Variants in TNPO3 observed in about 807,000 individuals in gnomAD.
The protein encoded by TNPO3 is transportin-3.
Under a neutral mutation model 122.8 loss-of-function variants are expected in TNPO3, and 65 were observed. That is an observed-to-expected ratio of 0.53 (90% CI 0.43 to 0.65). TNPO3 has a LOEUF of 0.65. Ranked by LOEUF, TNPO3 falls within the 30% of genes least tolerant of loss-of-function variation. The pLI, the probability that TNPO3 is intolerant of heterozygous loss-of-function variation, is 0.00. For missense variants in TNPO3, 850 were observed against 1,136.7 expected, an observed-to-expected ratio of 0.75 and a Z score of 3.63; for synonymous variants, 372 against 411.2, an observed-to-expected ratio of 0.90 and a Z score of 1.15.
chr7:129,017,015 G>A lies in TNPO3; in HGVS notation c.363C>T (p.Ser121=). The A allele has an allele frequency of 6.2e-7, 1 of 1,612,992 alleles. No individual in the cohort carries two copies. The highest frequency in any genetic ancestry group is 8.5e-7 in the Non-Finnish European group (1 of 1,179,940). Residue 121 remains serine, a synonymous_variant, in exon 3 of 23, where the codon TCC becomes TCT. Coordinates refer to ENST00000265388, the MANE Select transcript of TNPO3 (RefSeq NM_012470.4). ...CCAGTGTTTGCACACATCCCTTCCA[G>A]GAAGGCATCTGTAGGGCAAGATCTG... ...AIADLALQMP[S]WKGCVQTLVE... is the part of the protein sequence containing the mutation.
At chr7:129,007,250 T>C (rs757234025) in intron 4 of TNPO3, among the ~76,000 whole-genome samples, 4 of 152,096 alleles carry the variant, frequency 2.6e-5, no homozygotes, top group Admixed American at 6.5e-5. Flanking sequence ...GGAAACAGCA[T>C]AGCCAGGACT....
chr7:128,983,133 C>T (rs1799796757), intron 13 of TNPO3, among the ~76,000 whole-genome samples: 1 of 152,164 alleles, frequency 6.6e-6, no homozygotes, highest in Admixed American at 6.5e-5. Flanking sequence ...TTTTGTTATA[C>T]TCCCTATCTT....
At position 129,001,287 on chromosome 7, in the gene TNPO3, T is replaced by G. The variant is rs960313948; in HGVS notation, c.697-53A>C. On this transcript the variant is annotated intron_variant, in intron 5 of 22. Coordinates refer to ENST00000265388, the MANE Select transcript of TNPO3 (RefSeq NM_012470.4). ...AAGAAGTATGATCACTAAGGAGTGATCTACAGTTGGCCCTGCACACCCTAG... is the reference window on the plus strand; with the variant it reads ...AAGAAGTATGATCACTAAGGAGTGAGCTACAGTTGGCCCTGCACACCCTAG... The G allele has an allele frequency of 4.6e-6, 7 of 1,525,086 alleles. No individual in the cohort carries two copies. The African/African-American group carries it at 9.5e-5, about 21-fold the overall frequency. 94.5% of individuals were successfully genotyped at this position (1,525,086 alleles called of 1,614,324 possible).
chr7:129,044,210 G>A (rs928934938), intron 1 of TNPO3, among the ~76,000 whole-genome samples: 2 of 152,236 alleles, frequency 1.3e-5, no homozygotes, highest in Non-Finnish European at 2.9e-5. Context: ...TTACAGGCAT[G>A]AGCCACTGCG....
chr7:129,036,404 C>G (rs1019453239), intron 1 of TNPO3, among the ~76,000 whole-genome samples: 11 of 151,562 alleles, frequency 7.3e-5, no homozygotes, highest in Non-Finnish European at 1.5e-4. Flanking sequence ...TTAATATCAT[C>G]ATCATAAAAG....
In TNPO3 at chr7:129,036,736, T is replaced by C. The variant is rs189476794; in HGVS notation, c.120+17915A>G. 1.6e-3 allele frequency among the ~76,000 whole-genome samples: 248 copies of C among 152,228 alleles called. 1 individual carries two copies. Among genetic ancestry groups the C allele is most frequent in the Middle Eastern group, 3.4e-3 (1 of 294 alleles). The stretch of plus-strand genomic sequence containing the variant: ...GGAAAAAATGAATAGCTGATTAATA[T>C]ATGCAAAGACTTAGAAGACAAAACT... On this transcript the variant is annotated intron_variant, in intron 1 of 22. Transcript: ENST00000265388.
At chr7:129,005,533 C>G (rs1298626926) in intron 4 of TNPO3, among the ~76,000 whole-genome samples, 1 of 152,070 alleles carries the variant, frequency 6.6e-6, no homozygotes, top group Non-Finnish European at 1.5e-5. Context: ...GAATGAACAT[C>G]CCCCTTGCTG....
At chr7:128,976,246 G>A (rs139621951) in intron 16 of TNPO3, among the ~76,000 whole-genome samples, 4 of 152,288 alleles carry the variant, frequency 2.6e-5, no homozygotes, top group Non-Finnish European at 5.9e-5. Flanking sequence ...CATCCAGTAC[G>A]TAAAAGTTGC....
intron 8 of TNPO3, among the ~76,000 whole-genome samples, chr7:128,995,816 A>G (rs748792577): frequency 6.6e-6 from 1 of 152,184 alleles, no homozygotes; most frequent in South Asian, 2.1e-4. Flanking sequence ...CTCCTGCCTC[A>G]GCCTCCTGAG....
In TNPO3 at chr7:129,017,061, A is replaced by T; in HGVS notation, c.322-5T>A. 6.2e-7 allele frequency: 1 copy of T among 1,610,190 alleles called. No homozygotes were observed. Among genetic ancestry groups the T allele is most frequent in the Non-Finnish European group, 8.5e-7 (1 of 1,179,084 alleles). Reference sequence around the variant, plus strand: ...ATCTGCTATTGCTAAAGCCAGCTGAATAAGAGAGATTAAATAAATGAAGAC... The same window carrying T: ...ATCTGCTATTGCTAAAGCCAGCTGATTAAGAGAGATTAAATAAATGAAGAC... On this transcript the variant is annotated splice_region_variant and splice_polypyrimidine_tract_variant and intron_variant, in intron 2 of 22. Transcript: ENST00000265388.
intron 5 of TNPO3, among the ~76,000 whole-genome samples, chr7:129,002,690 G>T (rs559204296): frequency 6.6e-6 from 1 of 151,928 alleles, no homozygotes; most frequent in African/African-American, 2.4e-5. Context: ...AGGCCAAGGT[G>T]GGCAGATCAC....
chr7:128,958,625 T>C (rs539431708), intron 21 of TNPO3, among the ~76,000 whole-genome samples: 1 of 152,324 alleles, frequency 6.6e-6, no homozygotes, highest in South Asian at 2.1e-4. Context: ...AAAATAGAGC[T>C]ATCCATTTAG....
chr7:129,055,347 G>A (rs576496547), upstream of TNPO3: 14 of 156,016 alleles, frequency 9.0e-5, no homozygotes, highest in South Asian at 2.6e-3. Flanking sequence ...CTTGGAAACG[G>A]ATCCAGGTTT....
intron 8 of TNPO3, among the ~76,000 whole-genome samples, chr7:128,997,167 T>C (rs1344866369): frequency 6.6e-6 from 1 of 152,190 alleles, no homozygotes; most frequent in Non-Finnish European, 1.5e-5. Flanking sequence ...TAATTTTCTT[T>C]TATTTCTTTT....
chr7:129,010,458 T>G (rs1045446686), intron 4 of TNPO3, among the ~76,000 whole-genome samples: 1 of 152,140 alleles, frequency 6.6e-6, no homozygotes, highest in African/African-American at 2.4e-5. Flanking sequence ...ATAAACCACA[T>G]TGCCTGGCCC....
chr7:129,027,112 A>C (rs1805281228), intron 1 of TNPO3, among the ~76,000 whole-genome samples: 1 of 152,204 alleles, frequency 6.6e-6, no homozygotes, highest in South Asian at 2.1e-4. Context: ...TGTTTAGAAA[A>C]GGTAGCAAAG....
chr7:129,025,275 G>A (rs984890094), intron 1 of TNPO3, among the ~76,000 whole-genome samples: 7 of 139,272 alleles, frequency 5.0e-5, no homozygotes, highest in Non-Finnish European at 7.6e-5. Flanking sequence ...GCTTGAACCC[G>A]GGAGGCAGAA....
rs1563107436 is a variant in TNPO3 at position 129,027,585 on chromosome 7, A to C, written c.121-9428T>G. On this transcript the variant is annotated intron_variant, in intron 1 of 22. Transcript: ENST00000265388. ...AAAAAAAAAAAAAAAAAAAAAAAAA[A>C]AAAAAACAACACAAAAAATTCACTA... 6.0e-4 allele frequency among the ~76,000 whole-genome samples: 76 copies of C among 126,568 alleles called. 2 individuals are homozygous for C. The highest frequency in any genetic ancestry group is 4.2e-3 in the Middle Eastern group (1 of 240). 83.0% of individuals were successfully genotyped at this position (126,568 alleles called of 152,430 possible). A position where few individuals can be genotyped will look rare whatever the true frequency, so the allele number is the denominator to read the frequency against.
chr7:129,045,563 C>T (rs1378200505), intron 1 of TNPO3, among the ~76,000 whole-genome samples: 7 of 145,830 alleles, frequency 4.8e-5, no homozygotes, highest in African/African-American at 1.7e-4. Flanking sequence ...AAAAAAAAAT[C>T]TATAAAACCT....
Sources: gnomAD v4.1 joint callset for allele counts (sites outside exome capture counted in the v4.1 genomes callset) on GRCh38, gnomAD v4.1.1 for gene constraint, MANE v1.5 for transcripts, NCBI Gene and HGNC (gene_info 2026-07-23, HGNC 2026-07-21) for gene names.